Variants in LMO2 observed in about 807,000 individuals in gnomAD.
The protein encoded by LMO2 is rhombotin-2.
LMO2 carries 20 observed loss-of-function variants against 23.2 expected under a neutral mutation model. The observed-to-expected ratio is 0.86, with a 90% CI of 0.61 to 1.25. The LOEUF (loss-of-function observed/expected upper bound fraction) is 1.25, where lower values mean the gene tolerates loss of function less well. Among genes scored for constraint, LMO2 ranks in the 50% most tolerant of loss-of-function variants. LMO2 has a pLI of 0.00. For synonymous variants in LMO2, 123 were observed against 130.2 expected, an observed-to-expected ratio of 0.94 and a Z score of 0.38; for missense variants, 270 against 315.3, an observed-to-expected ratio of 0.86 and a Z score of 1.09.
intron 2 of LMO2, among the ~76,000 whole-genome samples, chr11:33,878,631 C>G (rs913196863): frequency 6.6e-6 from 1 of 152,198 alleles, no homozygotes; most frequent in Admixed American, 6.5e-5. Context: ...CCTCTCCAGT[C>G]TTCTCTGCTT....
intron 2 of LMO2, chr11:33,870,599 G>A: frequency 1.0e-6 from 1 of 985,502 alleles, no homozygotes; most frequent in Non-Finnish European, 1.2e-6. Flanking sequence ...GCTAATCCCA[G>A]AGGGAGGGTG....
chr11:33,870,627 G>T, intron 2 of LMO2: 3 of 950,156 alleles, frequency 3.2e-6, no homozygotes, highest in Non-Finnish European at 3.8e-6. Context: ...GGGACCACGC[G>T]GGGCCGGGGC....
chr11:33,891,346 A>AACACACACACACACACACAC (rs57617009), intron 1 of LMO2, among the ~76,000 whole-genome samples: 57 of 125,052 alleles, frequency 4.6e-4, no homozygotes, highest in African/African-American at 1.3e-3. Flanking sequence ...TTGTTAGGCA[A>AACACACACACACACACACAC]ACACACACAC....
At chr11:33,868,568 G>T (rs1354038301) in intron 4 of LMO2, among the ~76,000 whole-genome samples, 1 of 152,124 alleles carries the variant, frequency 6.6e-6, no homozygotes, top group Non-Finnish European at 1.5e-5. Flanking sequence ...ACCAGTACGC[G>T]GCTCAGAAAA....
intron 2 of LMO2, among the ~76,000 whole-genome samples, chr11:33,872,971 C>G (rs1857061246): frequency 6.6e-6 from 1 of 152,096 alleles, no homozygotes; most frequent in South Asian, 2.1e-4. Context: ...CCATGTTGGC[C>G]AGGCTGGTCT....
At chr11:33,861,594 G>C (rs915116834) in intron 5 of LMO2, among the ~76,000 whole-genome samples, 1 of 152,202 alleles carries the variant, frequency 6.6e-6, no homozygotes, top group African/African-American at 2.4e-5. Flanking sequence ...CCACATTGGA[G>C]GTCACAGAGT....
chr11:33,863,216 T>C (rs1856648121), intron 5 of LMO2, among the ~76,000 whole-genome samples: 1 of 110,638 alleles, frequency 9.0e-6, no homozygotes, highest in African/African-American at 3.2e-5. Context: ...ATCCAAGTTC[T>C]ATTTTCTGTG....
rs781133624 is a variant in LMO2, at chr11:33,859,463, C to A, written c.577G>T (p.Ala193Ser). 5.6e-6 allele frequency: 9 copies of A among 1,613,984 alleles called. No homozygotes were observed. Among genetic ancestry groups the A allele is most frequent in the Non-Finnish European group, 6.8e-6 (8 of 1,179,924 alleles). ...CCTACACAGAAATGCTTCTGACAGG[C>A]GGCGCATTTGAAACATTCCAGGTGA... The part of the protein sequence containing the change: ...VYHLECFKCA[A>S]CQKHFCVGDR... The change falls in exon 6 of 6, where the codon GCC (alanine) becomes TCC (serine). Residue 193 changes from alanine (A) to serine (S), a missense_variant. Around this residue, in one of 2 missense-constraint regions of LMO2, gnomAD observed 100 missense variants for 153.3 expected, o/e 0.65. Coordinates refer to ENST00000257818, the MANE Select transcript of LMO2 (RefSeq NM_005574.4).
Position 33,864,507 on chromosome 11 carries a change from T to C in LMO2, c.464+95A>G. On this transcript the variant is annotated intron_variant, in intron 5 of 5. Transcript: ENST00000257818. The surrounding 1 kb of genome is among the most constrained non-coding windows in gnomAD (Gnocchi z 4.8). The stretch of plus-strand genomic sequence containing the variant: ...TCTTTCTATAGGTGGTGTCCGAGCC[T>C]GGAGCAGGGTAAGGGGCAACACACA... 3.0e-6 allele frequency: 3 copies of C among 998,576 alleles called. No individual in the cohort carries two copies. Among genetic ancestry groups the C allele is most frequent in the East Asian group, 2.6e-5 (1 of 38,550 alleles). 61.9% of individuals were successfully genotyped at this position (998,576 alleles called of 1,614,324 possible).
At chr11:33,878,812 G>A (rs561323255) in intron 2 of LMO2, among the ~76,000 whole-genome samples, 2 of 152,168 alleles carry the variant, frequency 1.3e-5, no homozygotes, top group Non-Finnish European at 2.9e-5. Context: ...ATAATTTCAC[G>A]TGTGTGCCTG....
chr11:33,874,783 TCTGCTACA>T (rs1857097722), intron 2 of LMO2, among the ~76,000 whole-genome samples: 1 of 152,210 alleles, frequency 6.6e-6, no homozygotes, highest in Non-Finnish European at 1.5e-5. Context: ...TCTCTGCTTC[TCTGCTACA>T]CTGCTACACT....
intron 2 of LMO2, among the ~76,000 whole-genome samples, chr11:33,876,956 C>T (rs1358273181): frequency 1.3e-5 from 2 of 152,316 alleles, no homozygotes; most frequent in South Asian, 4.1e-4. Flanking sequence ...AATAAGTGCT[C>T]AATGGATGGC....
chr11:33,870,048 C>T, intron 2 of LMO2, 61 bp from the exon 3 acceptor site: 4 of 676,498 alleles, frequency 5.9e-6, no homozygotes, highest in Non-Finnish European at 7.4e-6. Context: ...TGCCCGGTCC[C>T]CCCACCTCCC....
intron 2 of LMO2, among the ~76,000 whole-genome samples, chr11:33,879,128 C>T (rs1227127210): frequency 1.2e-4 from 19 of 152,156 alleles, no homozygotes; most frequent in Admixed American, 1.2e-3. Flanking sequence ...AGGGGAACAG[C>T]TTCATGACAT....
At chr11:33,878,658 A>G (rs1046191013) in intron 2 of LMO2, among the ~76,000 whole-genome samples, 39 of 152,180 alleles carry the variant, frequency 2.6e-4, no homozygotes, top group African/African-American at 9.2e-4. Flanking sequence ...ATCTTGTCCA[A>G]TGTGGACCCA....
Position 33,859,365 on chromosome 11 carries a change from C to G in LMO2, c.675G>C (p.Gly225=). 1 of 1,613,538 alleles carries G rather than the reference C, an allele frequency of 6.2e-7. No homozygotes were observed. The highest frequency in any genetic ancestry group is 1.1e-5 in the South Asian group (1 of 91,050). ...GCCCGGGGACTCGGGCCTATATCATCCCATTGATCTTAGTCCACTCGTAGA... is the reference window on the plus strand; with the variant it reads ...GCCCGGGGACTCGGGCCTATATCATGCCATTGATCTTAGTCCACTCGTAGA... ...QDIYEWTKIN[G]MI The change falls in exon 6 of 6, where the codon GGG becomes GGC. Residue 225 remains glycine, a synonymous_variant. Transcript: ENST00000257818.
In LMO2 at chr11:33,880,895, C is replaced by T. The variant is rs1857265221; in HGVS notation, c.-272+929G>A. On this transcript the variant is annotated intron_variant, in intron 2 of 5. Coordinates refer to ENST00000257818, the MANE Select transcript of LMO2 (RefSeq NM_005574.4). This position sits in a 1 kb window ranked among gnomAD's most constrained non-coding sequence, Gnocchi z 4.3. ...AGTGCAATCAGTGGCAATCCCTGCC[C>T]ACTTAGGACTTTTCGAATAGTGCTC... is the stretch of plus-strand genomic sequence containing the variant. 1 of 295,580 alleles carries T rather than the reference C, an allele frequency of 3.4e-6. No individual in the cohort carries two copies. The highest frequency in any genetic ancestry group is 2.2e-5 in the African/African-American group (1 of 45,112). The allele number at this position is 295,580 out of a possible 1,614,324, so 18.3% of individuals were successfully genotyped here.
Position 33,869,710 on chromosome 11 carries a change from C to T in LMO2, c.7G>A (p.Gly3Arg), listed in dbSNP as rs761987730. ...CTGCTGCTGCTGCTCAGGACTTAACCTTCCATCCCGGTCCCGCCGCCGCCA... is the reference window on the plus strand; with the variant it reads ...CTGCTGCTGCTGCTCAGGACTTAACTTTCCATCCCGGTCCCGCCGCCGCCA... ME[G>R]SAVTVLERGG... The change falls in exon 3 of 6, where the codon GGG becomes AGG. Residue 3 changes from glycine to arginine, a missense_variant and splice_region_variant. Gly to Arg is a moderately radical substitution (Grantham distance 125, BLOSUM62 -2). Coordinates refer to ENST00000257818, the MANE Select transcript of LMO2 (RefSeq NM_005574.4). 4.1e-5 allele frequency: 54 copies of T among 1,305,668 alleles called. 2 individuals are homozygous for T. In the South Asian group the frequency reaches 6.8e-4, roughly 16 times the overall value. 80.9% of individuals were successfully genotyped at this position (1,305,668 alleles called of 1,614,324 possible).
chr11:33,888,583 G>A (rs1270151415), intron 1 of LMO2, among the ~76,000 whole-genome samples: 1 of 152,136 alleles, frequency 6.6e-6, no homozygotes, highest in Non-Finnish European at 1.5e-5. Flanking sequence ...CCAGATGTGA[G>A]TTCTTCTTAT....
Sources: gnomAD v4.1 joint callset for allele counts (sites outside exome capture counted in the v4.1 genomes callset) on GRCh38, gnomAD v4.1.1 for gene constraint, gnomAD v4.1.1 regional missense constraint, Gnocchi (gnomAD v3.1) non-coding constraint, MANE v1.5 for transcripts, NCBI Gene and HGNC (gene_info 2026-07-23, HGNC 2026-07-21) for gene names.